Variants in CACNA1C observed in about 807,000 individuals in gnomAD.
CACNA1C encodes calcium voltage-gated channel subunit alpha1 C.
A neutral mutation model predicts 229.0 loss-of-function variants in CACNA1C; 30 were observed. The ratio of observed to expected loss-of-function variants is 0.13; its 90% CI spans 0.10 to 0.18. The LOEUF is 0.18. Ranked by LOEUF, CACNA1C falls within the 10% of genes least tolerant of loss-of-function variation. The probability of loss-of-function intolerance (pLI) is 1.00; values close to 1 mark genes in which losing one functional copy is unlikely to be tolerated. For synonymous variants in CACNA1C, 1,114 were observed against 1,132.5 expected (o/e 0.98, Z 0.33); for missense variants, 1,658 against 2,845.0 (o/e 0.58, Z 9.49).
chr12:2,012,304 A>G (rs1013882318), intron 1 of CACNA1C, among the ~76,000 whole-genome samples: 21 of 152,262 alleles, frequency 1.4e-4, no homozygotes, highest in African/African-American at 5.1e-4. Context: ...TAAATATTCT[A>G]TATTGGGTTG....
chr12:2,397,283 G>C (rs1361974473), intron 3 of CACNA1C, among the ~76,000 whole-genome samples: 1 of 152,234 alleles, frequency 6.6e-6, no homozygotes, highest in Non-Finnish European at 1.5e-5. Flanking sequence ...CTTTTTGCTT[G>C]TGTCTTGGAT....
intron 3 of CACNA1C, among the ~76,000 whole-genome samples, chr12:2,241,457 C>T (rs545206036): frequency 6.6e-5 from 10 of 152,040 alleles, no homozygotes; most frequent in Non-Finnish European, 1.0e-4. Flanking sequence ...GAGGAGAGCA[C>T]GCGTGTGGGA....
At chr12:2,588,322 C>G (rs1232176718) in intron 18 of CACNA1C, among the ~76,000 whole-genome samples, 1 of 152,242 alleles carries the variant, frequency 6.6e-6, no homozygotes, top group Non-Finnish European at 1.5e-5. Context: ...GCAGGCAGCA[C>G]TGGTGAGTGT....
rs2154577462 is a variant in CACNA1C at position 2,504,702 on chromosome 12, G to C, written c.1114-140G>C. Reference sequence around the variant, plus strand: ...CAGATTCTGACCCATTGGCCAGGCAGGCTGTTTGGCCTCTGATTTGCACCT... The same window carrying C: ...CAGATTCTGACCCATTGGCCAGGCACGCTGTTTGGCCTCTGATTTGCACCT... On this transcript the variant is annotated intron_variant, in intron 7 of 46. Transcript: ENST00000399655. This position sits in a 1 kb window ranked among gnomAD's most constrained non-coding sequence, Gnocchi z 6.8. 1 of 742,252 alleles carries C rather than the reference G, an allele frequency of 1.3e-6. No individual in the cohort carries two copies. Among genetic ancestry groups the C allele is most frequent in the Non-Finnish European group, 2.4e-6 (1 of 417,964 alleles). The allele number at this position is 742,252 out of a possible 1,614,324, so 46.0% of individuals were successfully genotyped here. A position where few individuals can be genotyped will look rare whatever the true frequency, so the allele number is the denominator to read the frequency against.
chr12:2,504,258 C>T lies in CACNA1C; in HGVS notation c.1114-584C>T, dbSNP rs1373978017. On this transcript the variant is annotated intron_variant, in intron 7 of 46. Coordinates refer to ENST00000399655, the MANE Select transcript of CACNA1C (RefSeq NM_000719.7). The surrounding 1 kb of genome is among the most constrained non-coding windows in gnomAD (Gnocchi z 6.8). ...AGAGCGGGCCGAGGTCCCCTTCGGT[C>T]ACAGGAGTTCCTTTGAACATGGGCG... 6.6e-6 allele frequency among the ~76,000 whole-genome samples: 1 copy of T among 152,136 alleles called. No individual in the cohort carries two copies. The highest frequency in any genetic ancestry group is 1.5e-5 in the Non-Finnish European group (1 of 68,026).
chr12:2,297,980 C>T (rs2094214342), intron 3 of CACNA1C, among the ~76,000 whole-genome samples: 1 of 152,164 alleles, frequency 6.6e-6, no homozygotes, highest in African/African-American at 2.4e-5. Context: ...CAGAGGACCT[C>T]AGCAGTTCTT....
Position 2,178,557 on chromosome 12 carries a change from G to A in CACNA1C, c.477+58127G>A, listed in dbSNP as rs966906847. Among the ~76,000 whole-genome samples, 6 of 152,286 alleles carry A rather than the reference G, an allele frequency of 3.9e-5. No homozygotes were observed. The South Asian group carries it at 1.2e-3, about 32-fold the overall frequency. ...AGCTGGTCGCTAAGACCTGGAGTCT[G>A]GGCCCCTTGTGGGGGTGTCACAGAA... On this transcript the variant is annotated intron_variant, in intron 3 of 46. Coordinates refer to ENST00000399655, the MANE Select transcript of CACNA1C (RefSeq NM_000719.7).
intron 1 of CACNA1C, among the ~76,000 whole-genome samples, chr12:1,972,412 T>G (rs528104152): frequency 6.6e-5 from 10 of 152,356 alleles, no homozygotes; most frequent in African/African-American, 9.6e-5. Context: ...ACATTGATGA[T>G]GACTCGTTAC....
At chr12:2,284,371 C>T (rs151256397) in intron 3 of CACNA1C, among the ~76,000 whole-genome samples, 5 of 148,970 alleles carry the variant, frequency 3.4e-5, no homozygotes, top group East Asian at 3.9e-4. Flanking sequence ...AAGTTTCTTG[C>T]GGTTTTAGTT....
In CACNA1C at chr12:1,971,106, C is replaced by A. The variant is rs775610591; in HGVS notation, c.44C>A (p.Pro15Gln). The change falls in exon 1 of 47, where the codon CCG becomes CAG. Residue 15 changes from proline (P) to glutamine (Q), a missense_variant. Physicochemically the swap from Pro to Gln is moderately conservative, Grantham distance 76. Coordinates refer to the CACNA1C transcript ENST00000682462. The surrounding 1 kb of genome is among the most constrained non-coding windows in gnomAD (Gnocchi z 4.2). ...CAGCCTGGTACGCCTGCATACCAGC[C>A]GCTTCCCAGCCACCTGTCTGCCAAC... 4 of 1,289,390 alleles carry A rather than the reference C, an allele frequency of 3.1e-6. No homozygotes were observed. In the South Asian group the frequency reaches 4.9e-5, roughly 16 times the overall value. The allele number at this position is 1,289,390 out of a possible 1,614,324, so 79.9% of individuals were successfully genotyped here.
chr12:2,182,106 G>A (rs2096857395), intron 3 of CACNA1C, among the ~76,000 whole-genome samples: 2 of 144,142 alleles, frequency 1.4e-5, no homozygotes, highest in South Asian at 4.5e-4. Flanking sequence ...GGGAACTGGG[G>A]AGATTGTGTG....
chr12:2,685,560 C>T lies in CACNA1C; in HGVS notation c.5574-176C>T, dbSNP rs141720874. On this transcript the variant is annotated intron_variant, in intron 43 of 46. Transcript: ENST00000399655. ...ATTCCCACTGAGCAGGCCTGGAAGACGTCAGGGGCAGGCCAGAACTTCTTG... is the reference window on the plus strand; with the variant it reads ...ATTCCCACTGAGCAGGCCTGGAAGATGTCAGGGGCAGGCCAGAACTTCTTG... 0.034 allele frequency among the ~76,000 whole-genome samples: 5,198 copies of T among 151,350 alleles called. 137 individuals are homozygous for T. The highest frequency in any genetic ancestry group is 0.07 in the African/African-American group (2,866 of 41,150).
At chr12:2,075,290 C>G (rs2062785686) in intron 1 of CACNA1C, among the ~76,000 whole-genome samples, 1 of 152,184 alleles carries the variant, frequency 6.6e-6, no homozygotes, top group Non-Finnish European at 1.5e-5. Flanking sequence ...GGCATGGGAC[C>G]TGCTCATCAG....
chr12:2,130,460 C>T (rs867911651), intron 3 of CACNA1C, among the ~76,000 whole-genome samples: 1 of 109,122 alleles, frequency 9.2e-6, no homozygotes, highest in Non-Finnish European at 1.8e-5. Flanking sequence ...CCCCTCCCCC[C>T]ACCCCACCAC....
chr12:2,634,398 G>A lies in CACNA1C; in HGVS notation c.3912+18G>A, dbSNP rs1392513048. ...AGGTAAACGTAAGTACATGGCGTCT[G>A]TCCCTAACCGTCCGTGCCTGCTCTA... On this transcript the variant is annotated intron_variant, in intron 30 of 46. Coordinates refer to ENST00000399655, the MANE Select transcript of CACNA1C (RefSeq NM_000719.7). 1.4e-6 allele frequency: 2 copies of A among 1,407,918 alleles called. No individual in the cohort carries two copies. The highest frequency in any genetic ancestry group is 1.3e-5 in the South Asian group (1 of 79,716). 87.2% of individuals were successfully genotyped at this position (1,407,918 alleles called of 1,614,324 possible). A position where few individuals can be genotyped will look rare whatever the true frequency, so the allele number is the denominator to read the frequency against.
intron 1 of CACNA1C, among the ~76,000 whole-genome samples, chr12:2,032,639 G>A (rs1440896796): frequency 2.6e-5 from 4 of 152,304 alleles, no homozygotes; most frequent in Non-Finnish European, 5.9e-5. Context: ...TGCAGAACCC[G>A]TGAAAGGAGA....
In CACNA1C at chr12:2,581,786, A is replaced by G; in HGVS notation, c.2092A>G (p.Thr698Ala). 1.2e-6 allele frequency: 2 copies of G among 1,601,492 alleles called. No homozygotes were observed. The highest frequency in any genetic ancestry group is 1.7e-6 in the Non-Finnish European group (2 of 1,169,554). ...TFDNFPQSLL[T>A]VFQILTGEDW... ...CGATAACTTCCCCCAGTCCCTCCTC[A>G]CTGTGTTTCAGGTATGGACTCTTCT... The change falls in exon 14 of 47, where the codon ACT becomes GCT. Residue 698 changes from threonine to alanine, a missense_variant. Physicochemically the swap from Thr to Ala is moderately conservative, Grantham distance 58 (BLOSUM62 0). This residue lies in a region of CACNA1C where 30 missense variants were observed against 73.2 expected (regional missense o/e 0.41). Transcript: ENST00000399655.
At chr12:2,299,614 A>G (rs1314866840) in intron 3 of CACNA1C, among the ~76,000 whole-genome samples, 1 of 152,302 alleles carries the variant, frequency 6.6e-6, no homozygotes, top group East Asian at 1.9e-4. Context: ...ATTGGCCGGA[A>G]CAGAACCTCT....
At chr12:2,047,441 C>T (rs961170922) in intron 1 of CACNA1C, among the ~76,000 whole-genome samples, 4 of 152,186 alleles carry the variant, frequency 2.6e-5, no homozygotes, top group African/African-American at 7.2e-5. Flanking sequence ...GAGGTAAAGC[C>T]AGGTGTCCAC....
Sources: allele counts gnomAD v4.1 joint callset (sites outside exome capture counted in the v4.1 genomes callset), GRCh38; gene constraint gnomAD v4.1.1; regional missense constraint gnomAD v4.1.1; non-coding constraint Gnocchi (gnomAD v3.1); transcripts MANE v1.5; gene names NCBI Gene and HGNC (gene_info 2026-07-23, HGNC 2026-07-21).